Variants in SYN3 observed in about 807,000 individuals in gnomAD.
SYN3 encodes synapsin-3.
In SYN3, 35 loss-of-function variants were observed where a neutral mutation model predicts 65.8. That is an observed-to-expected ratio of 0.53 (90% CI 0.41 to 0.70). The LOEUF is 0.70. Among genes scored for constraint, SYN3 ranks in the 30% least tolerant of loss-of-function variants. SYN3 has a pLI of 0.00. For missense variants in SYN3, 680 were observed against 749.0 expected (o/e 0.91, Z 1.08); for synonymous variants, 270 against 292.9 (o/e 0.92, Z 0.80).
In SYN3 at chr22:32,890,632, G is replaced by A. The variant is rs576283549; in HGVS notation, c.462-21507C>T. ...CCTGACCTCGTGATCTGCCCGCCTCGGCCTCCCAAAGTGCTGGGATTACAG... is the reference window on the plus strand; with the variant it reads ...CCTGACCTCGTGATCTGCCCGCCTCAGCCTCCCAAAGTGCTGGGATTACAG... On this transcript the variant is annotated intron_variant, in intron 4 of 13. Transcript: ENST00000358763. Among the ~76,000 whole-genome samples, 10 of 151,928 alleles carry A rather than the reference G, an allele frequency of 6.6e-5. 1 individual carries two copies. In the South Asian group the frequency reaches 1.7e-3, roughly 25 times the overall value.
At chr22:32,667,830 C>T (rs1458096045) in intron 6 of SYN3, among the ~76,000 whole-genome samples, 1 of 141,904 alleles carries the variant, frequency 7.0e-6, no homozygotes, top group Non-Finnish European at 1.5e-5. Flanking sequence ...CGGAGTGTCG[C>T]TCTGTCGCCC....
At chr22:32,869,367 T>TCTCTCTCTCTCTCACA (rs61464794) in intron 4 of SYN3, among the ~76,000 whole-genome samples, 100 of 142,356 alleles carry the variant, frequency 7.0e-4, no homozygotes, top group Non-Finnish European at 1.1e-3. Flanking sequence ...TCTCTCTCTC[T>TCTCTCTCTCTCTCACA]CACAGGCTCT....
intron 6 of SYN3, chr22:32,629,600 TCTTA>T (rs2059718248): frequency 6.6e-6 from 1 of 152,230 alleles, no homozygotes; most frequent in African/African-American, 2.4e-5. Flanking sequence ...CTCCTTTTTC[TCTTA>T]CTATCTTTCT....
intron 6 of SYN3, among the ~76,000 whole-genome samples, chr22:32,723,138 G>T (rs1480300831): frequency 6.6e-6 from 1 of 152,188 alleles, no homozygotes; most frequent in Non-Finnish European, 1.5e-5. Context: ...CTGCTCAATA[G>T]TAAGCCATCT....
chr22:33,030,690 G>A (rs1259924097), intron 1 of SYN3, among the ~76,000 whole-genome samples: 1 of 150,314 alleles, frequency 6.7e-6, no homozygotes, highest in South Asian at 2.1e-4. Flanking sequence ...GAGAGAGACA[G>A]AGAGATCAAC....
intron 6 of SYN3, among the ~76,000 whole-genome samples, chr22:32,692,619 T>C (rs1039716785): frequency 1.3e-5 from 2 of 152,152 alleles, no homozygotes; most frequent in Non-Finnish European, 2.9e-5. Context: ...CTTTGTCTGC[T>C]TGATCTGAAC....
At chr22:32,642,442 AT>A (rs200092095) in intron 6 of SYN3, among the ~76,000 whole-genome samples, 9 of 127,080 alleles carry the variant, frequency 7.1e-5, no homozygotes, top group South Asian at 2.4e-4. Context: ...TTATCTTTTT[AT>A]TTTATTTTTT....
intron 6 of SYN3, among the ~76,000 whole-genome samples, chr22:32,739,638 T>A (rs960248598): frequency 6.6e-6 from 1 of 152,210 alleles, no homozygotes; most frequent in Admixed American, 6.5e-5. Context: ...GAGAATTAGC[T>A]GCTTCCCTGA....
chr22:32,520,437 C>T (rs983857595), intron 12 of SYN3, among the ~76,000 whole-genome samples: 2 of 152,058 alleles, frequency 1.3e-5, no homozygotes, highest in Non-Finnish European at 2.9e-5. Context: ...GTGCTTGGCC[C>T]CATTTTTACA....
chr22:32,614,001 G>T (rs2059481721), intron 6 of SYN3, among the ~76,000 whole-genome samples: 1 of 152,196 alleles, frequency 6.6e-6, no homozygotes, highest in Non-Finnish European at 1.5e-5. Flanking sequence ...TGGGCAAGTT[G>T]CTTCACTTCT....
chr22:32,780,983 T>TTCCTTCCTTCCTTCCTTCCATCCC (rs747486689), intron 6 of SYN3, among the ~76,000 whole-genome samples: 3 of 78,136 alleles, frequency 3.8e-5, no homozygotes, highest in Non-Finnish European at 8.1e-5. Flanking sequence ...CCTTCCCTCC[T>TTCCTTCCTTCCTTCCTTCCATCCC]TCCTTCCTCT....
rs915486641 is a variant in SYN3 at position 32,509,979 on chromosome 22, G to A, written c.*3713C>T. On this transcript the variant is annotated 3_prime_UTR_variant, in exon 14 of 14. Coordinates refer to ENST00000358763, the MANE Select transcript of SYN3 (RefSeq NM_003490.4). ...GATGCCTGGCCTGATTTGGAGCTTGGAAGGAGGTTCTGCGGCTGTTGTACA... is the reference window on the plus strand; with the variant it reads ...GATGCCTGGCCTGATTTGGAGCTTGAAAGGAGGTTCTGCGGCTGTTGTACA... 1.7e-4 allele frequency among the ~76,000 whole-genome samples: 26 copies of A among 152,176 alleles called. No homozygotes were observed. Among genetic ancestry groups the A allele is most frequent in the African/African-American group, 4.8e-4 (20 of 41,440 alleles).
At chr22:32,808,887 C>T (rs186295971) in intron 6 of SYN3, among the ~76,000 whole-genome samples, 1 of 152,318 alleles carries the variant, frequency 6.6e-6, no homozygotes, top group African/African-American at 2.4e-5. Flanking sequence ...CTTAGGGCTG[C>T]GTGCCACCCA....
At position 32,510,917 on chromosome 22, in the gene SYN3, T is replaced by A. The variant is rs2057683778; in HGVS notation, c.*2775A>T. On this transcript the variant is annotated 3_prime_UTR_variant, in exon 14 of 14. Coordinates refer to ENST00000358763, the MANE Select transcript of SYN3 (RefSeq NM_003490.4). The stretch of plus-strand genomic sequence containing the variant: ...CTCTTGAAGCCGGTTATCAGAGAAC[T>A]ATGAACTCATAGCGAGGTGACAGGA... Among the ~76,000 whole-genome samples, 1 of 151,872 alleles carries A rather than the reference T, an allele frequency of 6.6e-6. No individual in the cohort carries two copies. The highest frequency in any genetic ancestry group is 1.9e-4 in the East Asian group (1 of 5,170).
At chr22:32,924,253 C>T (rs914875509) in intron 4 of SYN3, among the ~76,000 whole-genome samples, 3 of 152,106 alleles carry the variant, frequency 2.0e-5, no homozygotes, top group African/African-American at 7.2e-5. Context: ...CTACTGATTC[C>T]CCCCACTGAA....
At chr22:32,690,381 AGCAG>A (rs2147151855) in intron 6 of SYN3, among the ~76,000 whole-genome samples, 1 of 152,192 alleles carries the variant, frequency 6.6e-6, no homozygotes, top group East Asian at 1.9e-4. Context: ...TTGTGATAGC[AGCAG>A]AAATGGATTA....
At chr22:32,787,834 G>C (rs1879461099) in intron 6 of SYN3, among the ~76,000 whole-genome samples, 1 of 152,082 alleles carries the variant, frequency 6.6e-6, no homozygotes, top group African/African-American at 2.4e-5. Context: ...TAATATCTGA[G>C]CTGGAAGCTG....
At chr22:32,715,867 C>G (rs1257555787) in intron 6 of SYN3, among the ~76,000 whole-genome samples, 1 of 151,248 alleles carries the variant, frequency 6.6e-6, no homozygotes, top group African/African-American at 2.4e-5. Context: ...AGACATGAGA[C>G]AGCACACACA....
chr22:32,654,707 T>C (rs2060118913), intron 6 of SYN3, among the ~76,000 whole-genome samples: 1 of 152,208 alleles, frequency 6.6e-6, no homozygotes, highest in East Asian at 1.9e-4. Flanking sequence ...GAGAATGTAA[T>C]GTCTGATGAT....
Sources: gnomAD v4.1 joint callset for allele counts (sites outside exome capture counted in the v4.1 genomes callset) on GRCh38, gnomAD v4.1.1 for gene constraint, MANE v1.5 for transcripts, NCBI Gene and HGNC (gene_info 2026-07-23, HGNC 2026-07-21) for gene names.